The following ZC3H7A variants were observed in gnomAD, a reference collection of about 807,000 sequenced individuals.
ZC3H7A encodes the protein zinc finger CCCH domain-containing protein 7A.
A neutral mutation model predicts 125.5 loss-of-function variants in ZC3H7A; 44 were observed. The ratio of observed to expected loss-of-function variants is 0.35; its 90% CI spans 0.28 to 0.45. The LOEUF is 0.45. Ranked by LOEUF, ZC3H7A falls within the 20% of genes least tolerant of loss-of-function variation. The pLI, the probability that ZC3H7A is intolerant of heterozygous loss-of-function variation, is 1.00. For missense variants in ZC3H7A, 977 were observed against 1,170.7 expected, an observed-to-expected ratio of 0.83 and a Z score of 2.41; for synonymous variants, 399 against 391.2, an observed-to-expected ratio of 1.02 and a Z score of -0.23.
rs989570685 is a variant in ZC3H7A at position 11,753,084 on chromosome 16, T to C, written c.2563-252A>G. 18 of 424,566 alleles carry C rather than the reference T, an allele frequency of 4.2e-5. No homozygotes were observed. The Admixed American group carries it at 5.8e-4, about 14-fold the overall frequency. The allele number at this position is 424,566 out of a possible 1,614,324, so 26.3% of individuals were successfully genotyped here. On this transcript the variant is annotated intron_variant, in intron 21 of 22. Transcript: ENST00000355758. ...ATAGGAGCTGGTATGCAAACAAGGA[T>C]GTTTGCTGGGAGAACAAGAGGCAGG... is the stretch of plus-strand genomic sequence containing the variant.
chr16:11,757,052 G>C (rs1017741724), intron 20 of ZC3H7A, among the ~76,000 whole-genome samples: 1 of 152,146 alleles, frequency 6.6e-6, no homozygotes, highest in African/African-American at 2.4e-5. Flanking sequence ...TTCTTTGCTG[G>C]GGGTATGCCC....
chr16:11,766,212 G>C (rs1007507752), intron 13 of ZC3H7A, among the ~76,000 whole-genome samples: 1 of 152,118 alleles, frequency 6.6e-6, no homozygotes, highest in African/African-American at 2.4e-5. Context: ...CAAAGCCTTA[G>C]CTCAGTGTTT....
In ZC3H7A at chr16:11,776,469, C is replaced by A; in HGVS notation, c.529G>T (p.Ala177Ser). 1.2e-6 allele frequency: 2 copies of A among 1,611,540 alleles called. No homozygotes were observed. The highest frequency in any genetic ancestry group is 1.7e-6 in the Non-Finnish European group (2 of 1,179,300). The part of the protein sequence containing the change: ...AQKLGFKIRK[A>S]YVRAELSLKS... ...CAGCTTACCTCAGCTCTGACATACG[C>A]TTTTCTTATTTTAAATCCCAATTTC... is the stretch of plus-strand genomic sequence containing the variant. Residue 177 changes from alanine (A) to serine (S), a missense_variant, in exon 6 of 23, where the codon GCG becomes TCG. By Grantham distance (99) the Ala-to-Ser change is moderately conservative (BLOSUM62 1). Coordinates refer to ENST00000355758, the MANE Select transcript of ZC3H7A (RefSeq NM_014153.4).
rs1243845764 is a variant in ZC3H7A at position 11,751,280 on chromosome 16, A to G, written c.*37T>C. ...AGAACACTTTCAATTTTTCTGGTCA[A>G]TGCTCTGATTAGGTATCATACATAA... On this transcript the variant is annotated 3_prime_UTR_variant, in exon 23 of 23. Coordinates refer to ENST00000355758, the MANE Select transcript of ZC3H7A (RefSeq NM_014153.4). The G allele has an allele frequency of 6.4e-7, 1 of 1,567,334 alleles. No homozygotes were observed. The highest frequency in any genetic ancestry group is 2.2e-5 in the East Asian group (1 of 44,480).
chr16:11,780,413 G>A (rs527956791), intron 3 of ZC3H7A, among the ~76,000 whole-genome samples: 1 of 152,020 alleles, frequency 6.6e-6, no homozygotes, highest in Non-Finnish European at 1.5e-5. Flanking sequence ...GAGCCACCAC[G>A]CCTGGCCATA....
chr16:11,790,384 G>T (rs769302612), intron 1 of ZC3H7A, among the ~76,000 whole-genome samples: 1 of 152,092 alleles, frequency 6.6e-6, no homozygotes, highest in African/African-American at 2.4e-5. Flanking sequence ...CATACCCTCT[G>T]CTCATTTTTC....
rs181187749 is a variant in ZC3H7A at position 11,775,134 on chromosome 16, A to G, written c.586-121T>C. 3.1e-4 allele frequency: 294 copies of G among 940,152 alleles called. No individual in the cohort carries two copies. In the African/African-American group the frequency reaches 4.1e-3, roughly 13 times the overall value. The allele number at this position is 940,152 out of a possible 1,614,324, so 58.2% of individuals were successfully genotyped here. The stretch of plus-strand genomic sequence containing the variant: ...ACGCCTGTAATCCCAGCACCTGGGG[A>G]GGCCGAGACAGGCAGATCACGAGGT... On this transcript the variant is annotated intron_variant, in intron 7 of 22. Coordinates refer to ENST00000355758, the MANE Select transcript of ZC3H7A (RefSeq NM_014153.4).
chr16:11,752,975 G>T, intron 21 of ZC3H7A, 143 bp from the exon 22 acceptor site: 2 of 979,900 alleles, frequency 2.0e-6, no homozygotes, highest in Non-Finnish European at 3.0e-6. Context: ...ACCACAGCAT[G>T]GGGAAGCAAG....
At chr16:11,791,128 CACAT>C (rs2053343824) in intron 1 of ZC3H7A, among the ~76,000 whole-genome samples, 1 of 150,462 alleles carries the variant, frequency 6.6e-6, no homozygotes, top group Non-Finnish European at 1.5e-5. Context: ...CACACACACA[CACAT>C]CCCAATGCTT....
At chr16:11,760,122 G>GAAAAAAAAAGA (rs2052722545) in intron 19 of ZC3H7A, among the ~76,000 whole-genome samples, 1 of 82,532 alleles carries the variant, frequency 1.2e-5, no homozygotes, top group Admixed American at 1.7e-4. Context: ...AAGAAAAAAT[G>GAAAAAAAAAGA]AAAAAAAAAA....
chr16:11,792,715 C>T (rs1184359944), intron 1 of ZC3H7A, among the ~76,000 whole-genome samples: 1 of 152,156 alleles, frequency 6.6e-6, no homozygotes, highest in East Asian at 1.9e-4. Context: ...CAGGATTACA[C>T]CTAGGAAGTA....
rs2053087093 is a variant in ZC3H7A at position 11,776,732 on chromosome 16, T to C, written c.465+19A>G. On this transcript the variant is annotated intron_variant, in intron 5 of 22. Coordinates refer to ENST00000355758, the MANE Select transcript of ZC3H7A (RefSeq NM_014153.4). ...TGTAAATGGTTACGATGTAAACAAA[T>C]AAACTATAAATTCCATACCTGAGGC... is the stretch of plus-strand genomic sequence containing the variant. 5 of 1,580,278 alleles carry C rather than the reference T, an allele frequency of 3.2e-6. No homozygotes were observed. Among genetic ancestry groups the C allele is most frequent in the Non-Finnish European group, 4.3e-6 (5 of 1,169,324 alleles).
intron 15 of ZC3H7A, 94 bp from the exon 16 acceptor site, chr16:11,763,753 ATATATATATATATAT>A (rs2052798520): frequency 1.1e-5 from 1 of 93,916 alleles, no homozygotes; most frequent in South Asian, 3.5e-4. Context: ...ATATATATAT[ATATATATATATATAT>A]AAAGTTCTAC....
At chr16:11,764,814 C>T (rs2052827083) in intron 15 of ZC3H7A, among the ~76,000 whole-genome samples, 2 of 152,132 alleles carry the variant, frequency 1.3e-5, no homozygotes, top group Non-Finnish European at 2.9e-5. Context: ...ATACCTAAAT[C>T]CATGTCATGA....
intron 2 of ZC3H7A, among the ~76,000 whole-genome samples, chr16:11,781,835 T>A (rs2053178987): frequency 6.6e-6 from 1 of 152,090 alleles, no homozygotes; most frequent in Non-Finnish European, 1.5e-5. Context: ...AATGTCTCCT[T>A]CCCAGGAAGG....
Position 11,770,924 on chromosome 16 carries a change from C to T in ZC3H7A, c.967G>A (p.Ala323Thr). ...ASVSPSMPFSASLLGTLPIGA... is the reference protein window; with the variant it reads ...ASVSPSMPFSTSLLGTLPIGA... Reference sequence around the variant, plus strand: ...ATGGGTAAGGTTCCTAACAGCGATGCCGAAAAGGGCATGCTAGGAGAGACA... The same window carrying T: ...ATGGGTAAGGTTCCTAACAGCGATGTCGAAAAGGGCATGCTAGGAGAGACA... Residue 323 changes from alanine (A) to threonine (T), a missense_variant, in exon 10 of 23, where the codon GCA becomes ACA. Around this residue, in one of 3 missense-constraint regions of ZC3H7A, gnomAD observed 342 missense variants for 311.3 expected, o/e 1.10. Transcript: ENST00000355758. The T allele has an allele frequency of 6.2e-7, 1 of 1,613,992 alleles. No homozygotes were observed. Among genetic ancestry groups the T allele is most frequent in the Non-Finnish European group, 8.5e-7 (1 of 1,179,918 alleles).
chr16:11,756,422 A>G (rs763859517), intron 20 of ZC3H7A, 52 bp from the exon 21 acceptor site: 22 of 1,591,738 alleles, frequency 1.4e-5, no homozygotes, highest in Non-Finnish European at 1.9e-5. Context: ...CCATTTAAAT[A>G]CATGCAACTA....
chr16:11,770,078 C>A lies in ZC3H7A; in HGVS notation c.1108+705G>T, dbSNP rs556030209. Among the ~76,000 whole-genome samples the A allele has an allele frequency of 7.9e-5, 12 of 152,178 alleles. No homozygotes were observed. In the South Asian group the frequency reaches 2.5e-3, roughly 32 times the overall value. Reference sequence around the variant, plus strand: ...CTGGGATTACAGGCATGAGCCACCACACCCAGCCTACTTTCTTTTTCTTAG... The same window carrying A: ...CTGGGATTACAGGCATGAGCCACCAAACCCAGCCTACTTTCTTTTTCTTAG... On this transcript the variant is annotated intron_variant, in intron 10 of 22. Transcript: ENST00000355758.
intron 3 of ZC3H7A, among the ~76,000 whole-genome samples, chr16:11,780,470 T>G (rs895942211): frequency 2.0e-5 from 3 of 152,150 alleles, no homozygotes; most frequent in African/African-American, 7.2e-5. Flanking sequence ...CAGAAAAATA[T>G]TCAACTTGTT....
Sources: allele counts gnomAD v4.1 joint callset (sites outside exome capture counted in the v4.1 genomes callset), GRCh38; gene constraint gnomAD v4.1.1; regional missense constraint gnomAD v4.1.1; transcripts MANE v1.5; gene names NCBI Gene and HGNC (gene_info 2026-07-23, HGNC 2026-07-21).